MGAM2: variants seen among roughly 807,000 people sequenced by gnomAD.
MGAM2 encodes maltase-glucoamylase 2 (putative).
In MGAM2, 98 loss-of-function variants were observed where a neutral mutation model predicts 96.1. The observed-to-expected ratio is 1.02, with a 90% CI of 0.87 to 1.21. The LOEUF (loss-of-function observed/expected upper bound fraction) is 1.21, where lower values mean the gene tolerates loss of function less well. MGAM2 is among the 50% of genes most tolerant of loss of function. MGAM2 has a pLI of 0.00. For missense variants in MGAM2, 2,055 were observed against 1,182.4 expected (o/e 1.74, Z -10.82); for synonymous variants, 749 against 414.8 (o/e 1.81, Z -9.79).
At chr7:142,196,488 A>G (rs983315259) in intron 38 of MGAM2, 77 bp from the exon 39 acceptor site, 22 of 701,974 alleles carry the variant, frequency 3.1e-5, no homozygotes, top group Middle Eastern at 2.3e-4. Context: ...TAATGGGGTA[A>G]GGAAAAATCA....
intron 7 of MGAM2, among the ~76,000 whole-genome samples, chr7:142,134,418 AT>A: frequency 6.6e-6 from 1 of 152,326 alleles, no homozygotes; most frequent in East Asian, 1.9e-4. Flanking sequence ...TTTCATGATT[AT>A]ATTAGAACCT....
chr7:142,133,643 G>A (rs971406077), intron 6 of MGAM2, among the ~76,000 whole-genome samples: 3 of 152,046 alleles, frequency 2.0e-5, no homozygotes, highest in African/African-American at 7.3e-5. Flanking sequence ...CAAAAAAAGG[G>A]ACTCAAAATA....
In MGAM2 at chr7:142,147,445, T is replaced by G. The variant is rs1359712384; in HGVS notation, c.1517-11T>G. On this transcript the variant is annotated splice_polypyrimidine_tract_variant and intron_variant, in intron 14 of 47. Coordinates refer to ENST00000477922, the MANE Select transcript of MGAM2 (RefSeq NM_001293626.2). Reference sequence around the variant, plus strand: ...TGAGGAAGTGCCTCACTAATGAGTATTTCCCTCCAGGAGTTCTGGATCACT... The same window carrying G: ...TGAGGAAGTGCCTCACTAATGAGTAGTTCCCTCCAGGAGTTCTGGATCACT... 1 of 698,834 alleles carries G rather than the reference T, an allele frequency of 1.4e-6. No individual in the cohort carries two copies. 43.3% of individuals were successfully genotyped at this position (698,834 alleles called of 1,614,324 possible). A position where few individuals can be genotyped will look rare whatever the true frequency, so the allele number is the denominator to read the frequency against.
chr7:142,156,039 G>A lies in MGAM2; in HGVS notation c.1923+1194G>A, dbSNP rs538028026. 2.0e-5 allele frequency among the ~76,000 whole-genome samples: 3 copies of A among 152,190 alleles called. No individual in the cohort carries two copies. The East Asian group carries it at 5.8e-4, about 29-fold the overall frequency. ...GCATGCCTGTAATCCCAGCTACTTG[G>A]GAGGCTGAGGCAGGAGAATCTCTTG... On this transcript the variant is annotated intron_variant, in intron 17 of 47. Coordinates refer to ENST00000477922, the MANE Select transcript of MGAM2 (RefSeq NM_001293626.2).
At chr7:142,205,729 T>C (rs1797383299) in intron 45 of MGAM2, among the ~76,000 whole-genome samples, 1 of 152,156 alleles carries the variant, frequency 6.6e-6, no homozygotes, top group Non-Finnish European at 1.5e-5. Flanking sequence ...ATGCAGGATT[T>C]TCAAATATTC....
chr7:142,160,739 G>T (rs139273372), intron 21 of MGAM2, among the ~76,000 whole-genome samples: 3 of 151,278 alleles, frequency 2.0e-5, no homozygotes, highest in African/African-American at 7.3e-5. Context: ...GCTTATTATT[G>T]GTAAACTGGA....
chr7:142,172,899 A>G, intron 30 of MGAM2, 135 bp downstream of exon 30: 4 of 562,212 alleles, frequency 7.1e-6, no homozygotes, highest in East Asian at 2.8e-5. Context: ...CTTTGCTGAA[A>G]TCATATTTTA....
intron 7 of MGAM2, among the ~76,000 whole-genome samples, chr7:142,135,081 A>G (rs1415850689): frequency 4.0e-5 from 6 of 151,898 alleles, no homozygotes; most frequent in Admixed American, 3.3e-4. Context: ...TGTGCTGATG[A>G]TATTTCTTGG....
chr7:142,150,542 A>G (rs562692485), intron 15 of MGAM2, among the ~76,000 whole-genome samples: 1 of 152,230 alleles, frequency 6.6e-6, no homozygotes, highest in South Asian at 2.1e-4. Flanking sequence ...CTTGAAGCAT[A>G]GTCCAAGGAA....
chr7:142,137,152 G>A (rs908083102), intron 8 of MGAM2, among the ~76,000 whole-genome samples: 2 of 151,058 alleles, frequency 1.3e-5, no homozygotes, highest in African/African-American at 4.9e-5. Context: ...GAAGCTACTC[G>A]CAAAACCCAG....
chr7:142,164,557 C>T (rs766722749), intron 23 of MGAM2, among the ~76,000 whole-genome samples: 41 of 152,096 alleles, frequency 2.7e-4, no homozygotes, highest in Middle Eastern at 3.4e-3. Flanking sequence ...TTTTTGTTTA[C>T]TGTGTGAGTA....
intron 23 of MGAM2, 44 bp downstream of exon 23, chr7:142,162,048 G>A: frequency 1.5e-6 from 1 of 657,712 alleles, no homozygotes; most frequent in Non-Finnish European, 2.7e-6. Flanking sequence ...GTTCCTTGCT[G>A]GGAAGGCTCT....
intron 6 of MGAM2, among the ~76,000 whole-genome samples, chr7:142,133,590 A>G (rs1334911052): frequency 6.6e-6 from 1 of 152,134 alleles, no homozygotes; most frequent in African/African-American, 2.4e-5. Flanking sequence ...TGTGTTATAT[A>G]TCAGGCAAAA....
intron 26 of MGAM2, 144 bp from the exon 27 acceptor site, chr7:142,169,931 T>C: frequency 1.9e-6 from 1 of 539,950 alleles, no homozygotes; most frequent in Non-Finnish European, 3.3e-6. Context: ...CAGGCAGGCC[T>C]CACATCCATT....
chr7:142,129,465 T>A (rs536142960), intron 3 of MGAM2, among the ~76,000 whole-genome samples: 4 of 152,276 alleles, frequency 2.6e-5, no homozygotes, highest in Admixed American at 6.5e-5. Context: ...TTTGACTCTG[T>A]GTCCCCACCT....
intron 19 of MGAM2, among the ~76,000 whole-genome samples, chr7:142,158,612 G>T (rs1008550220): frequency 2.0e-5 from 3 of 152,138 alleles, no homozygotes; most frequent in Non-Finnish European, 2.9e-5. Context: ...ATACTTTGGG[G>T]TGTATGTGCT....
intron 17 of MGAM2, among the ~76,000 whole-genome samples, chr7:142,156,912 A>G (rs1795752403): frequency 6.6e-6 from 1 of 152,212 alleles, no homozygotes; most frequent in South Asian, 2.1e-4. Flanking sequence ...CCATTGACGG[A>G]AAATTTTCAT....
chr7:142,202,760 A>G (rs1307881795), intron 45 of MGAM2, among the ~76,000 whole-genome samples: 1 of 152,162 alleles, frequency 6.6e-6, no homozygotes, highest in African/African-American at 2.4e-5. Flanking sequence ...GTAATTGTAA[A>G]TAGTGCTGTG....
At chr7:142,192,460 C>G (rs1177962339) in intron 37 of MGAM2, among the ~76,000 whole-genome samples, 2 of 152,118 alleles carry the variant, frequency 1.3e-5, no homozygotes, top group Non-Finnish European at 2.9e-5. Flanking sequence ...TTTCAAGGAC[C>G]TCATTGTCTA....
Sources: gnomAD v4.1 joint callset for allele counts (sites outside exome capture counted in the v4.1 genomes callset) on GRCh38, gnomAD v4.1.1 for gene constraint, MANE v1.5 for transcripts, NCBI Gene and HGNC (gene_info 2026-07-23, HGNC 2026-07-21) for gene names.